The following GFAP variants were observed in gnomAD, a reference collection of about 807,000 sequenced individuals.
GFAP encodes intermediate filament protein.
A neutral mutation model predicts 49.3 loss-of-function variants in GFAP; 38 were observed. The ratio of observed to expected loss-of-function variants is 0.77; its 90% CI spans 0.60 to 1.01. The LOEUF (loss-of-function observed/expected upper bound fraction) is 1.01, where lower values mean the gene tolerates loss of function less well. Ranked by LOEUF, GFAP falls within the 50% of genes least tolerant of loss-of-function variation. The pLI, the probability that GFAP is intolerant of heterozygous loss-of-function variation, is 0.00. For missense variants in GFAP, 463 were observed against 579.1 expected (o/e 0.80, Z 2.06); for synonymous variants, 222 against 236.4 (o/e 0.94, Z 0.56).
At chr17:44,910,697 TG>T (rs1257722813) in intron 6 of GFAP, 39 bp from the exon 7 acceptor site, 3 of 1,571,504 alleles carry the variant, frequency 1.9e-6, no homozygotes, top group Non-Finnish European at 2.6e-6. Context: ...CCGGGCTGCC[TG>T]GGACACCCCT....
intron 8 of GFAP, 38 bp downstream of exon 8, chr17:44,908,026 G>A (rs2145626182): frequency 1.4e-6 from 2 of 1,412,636 alleles, no homozygotes; most frequent in African/African-American, 1.4e-5. Flanking sequence ...AATCCCTGGG[G>A]CCAGCCAGAG....
rs1555573678 is a variant in GFAP at position 44,909,624 on chromosome 17, C to CCCG, written c.1171+988_1171+990dup. 4.0e-5 allele frequency: 5 copies of CCCG among 125,832 alleles called. 1 individual carries two copies. Among genetic ancestry groups the CCCG allele is most frequent in the Non-Finnish European group, 8.1e-5 (5 of 61,800 alleles). 7.8% of individuals were successfully genotyped at this position (125,832 alleles called of 1,614,324 possible). A position where few individuals can be genotyped will look rare whatever the true frequency, so the allele number is the denominator to read the frequency against. On this transcript the variant is annotated intron_variant, in intron 7 of 8. Transcript: ENST00000588735. ...AAAAGTAATTTAGCTCCCCCCTCCC[C>CCCG]CCGCCCCGCCCGAGAGAGAAAAATA... is the stretch of plus-strand genomic sequence containing the variant.
chr17:44,904,615 A>G lies in GFAP; in HGVS notation c.*2732T>C, dbSNP rs2145620031. The G allele has an allele frequency of 6.4e-7, 1 of 1,550,562 alleles. No homozygotes were observed. Among genetic ancestry groups the G allele is most frequent in the South Asian group, 1.2e-5 (1 of 84,058 alleles). On this transcript the variant is annotated 3_prime_UTR_variant, in exon 9 of 9. Transcript: ENST00000588735. ...TGGCCATCATTAACTATGTGTCCAA[A>G]GTGGGCAGCCGGCCCTGGGTGCCCC...
At position 44,908,268 on chromosome 17, in the gene GFAP, C is replaced by G. The variant is rs367587225; in HGVS notation, c.1172-119G>C. 5.5e-6 allele frequency: 4 copies of G among 727,596 alleles called. No individual in the cohort carries two copies. The African/African-American group carries it at 7.0e-5, about 13-fold the overall frequency. The allele number at this position is 727,596 out of a possible 1,614,324, so 45.1% of individuals were successfully genotyped here. On this transcript the variant is annotated intron_variant, in intron 7 of 8. Coordinates refer to ENST00000588735, the MANE Select transcript of GFAP (RefSeq NM_002055.5). ...TCATGAGTATGAGAACCTATGCAAC[C>G]GAGCAGAGAGAGCCTAGGCTCTTCC...
rs777808092 is a variant in GFAP, at chr17:44,913,260, C to T, written c.780+9G>A. On this transcript the variant is annotated intron_variant, in intron 4 of 8. Coordinates refer to ENST00000588735, the MANE Select transcript of GFAP (RefSeq NM_002055.5). ...TGGAGGAGGCAGGCTGGCCCACAGGCAGGGCTACCTTGGAGCGGTACCACT... is the reference window on the plus strand; with the variant it reads ...TGGAGGAGGCAGGCTGGCCCACAGGTAGGGCTACCTTGGAGCGGTACCACT... 3 of 1,613,784 alleles carry T rather than the reference C, an allele frequency of 1.9e-6. No homozygotes were observed. The African/African-American group carries it at 4.0e-5, about 22-fold the overall frequency.
intron 4 of GFAP, 82 bp from the exon 5 acceptor site, chr17:44,911,879 C>T: frequency 6.8e-7 from 1 of 1,468,070 alleles, no homozygotes; most frequent in Non-Finnish European, 9.3e-7. Flanking sequence ...TGAGCAGCAC[C>T]CCAGTTAACC....
Position 44,904,307 on chromosome 17 carries a change from G to A in GFAP, c.*3040C>T, listed in dbSNP as rs1479815356. The A allele has an allele frequency of 4.5e-6, 7 of 1,547,080 alleles. No individual in the cohort carries two copies. The highest frequency in any genetic ancestry group is 1.2e-5 in the South Asian group (1 of 83,586). On this transcript the variant is annotated 3_prime_UTR_variant, in exon 9 of 9. Coordinates refer to ENST00000588735, the MANE Select transcript of GFAP (RefSeq NM_002055.5). ...GGACAAGGGCCAGGAGCCCTTTGCA[G>A]ATGAATACTATGGGCACCTCCATGT...
rs926709824 is a variant in GFAP at position 44,910,899 on chromosome 17, G to A, written c.1128-241C>T. 37 of 622,790 alleles carry A rather than the reference G, an allele frequency of 5.9e-5. 1 individual carries two copies. Among genetic ancestry groups the A allele is most frequent in the South Asian group, 5.9e-4 (30 of 50,898 alleles). The allele number at this position is 622,790 out of a possible 1,614,324, so 38.6% of individuals were successfully genotyped here. A position where few individuals can be genotyped will look rare whatever the true frequency, so the allele number is the denominator to read the frequency against. On this transcript the variant is annotated intron_variant, in intron 6 of 8. Transcript: ENST00000588735. ...TCTGAAGGAAGATGGAAAAGGGAGG[G>A]GAAAGTGGTGAAGAAAGTTCCAAGG...
rs1000196134 is a variant in GFAP at position 44,903,509 on chromosome 17, C to T, written c.*3838G>A. 18 of 1,283,252 alleles carry T rather than the reference C, an allele frequency of 1.4e-5. No homozygotes were observed. Among genetic ancestry groups the T allele is most frequent in the Non-Finnish European group, 1.8e-5 (18 of 1,018,716 alleles). The allele number at this position is 1,283,252 out of a possible 1,614,324, so 79.5% of individuals were successfully genotyped here. The stretch of plus-strand genomic sequence containing the variant: ...CTCCCTGCCCGAGCACCTCGGCCCG[C>T]CCTTCTCATTCCGGTTTCCTTTGAC... On this transcript the variant is annotated 3_prime_UTR_variant, in exon 9 of 9. Transcript: ENST00000588735.
Position 44,911,728 on chromosome 17 carries a change from C to T in GFAP, c.850G>A (p.Asp284Asn). 1 of 1,614,004 alleles carries T rather than the reference C, an allele frequency of 6.2e-7. No homozygotes were observed. Among genetic ancestry groups the T allele is most frequent in the Non-Finnish European group, 8.5e-7 (1 of 1,180,002 alleles). Residue 284 changes from aspartate (D) to asparagine (N), a missense_variant, in exon 5 of 9, where the codon GAC becomes AAC. Coordinates refer to ENST00000588735, the MANE Select transcript of GFAP (RefSeq NM_002055.5). The part of the protein sequence containing the change: ...LLRQAKHEAN[D>N]YRRQLQSLTC... The stretch of plus-strand genomic sequence containing the variant: ...AAGGACTGCAACTGGCGCCGGTAGT[C>T]GTTGGCTTCGTGCTTGGCCTGGCGG...
Position 44,915,463 on chromosome 17 carries a change from G to T in GFAP, c.24C>A (p.Ser8=). The T allele has an allele frequency of 6.3e-7, 1 of 1,596,294 alleles. No individual in the cohort carries two copies. Among genetic ancestry groups the T allele is most frequent in the Non-Finnish European group, 8.5e-7 (1 of 1,172,246 alleles). Residue 8 remains serine, a synonymous_variant, in exon 1 of 9, where the codon TCC becomes TCA. Coordinates refer to ENST00000588735, the MANE Select transcript of GFAP (RefSeq NM_002055.5). The surrounding 1 kb of genome is among the most constrained non-coding windows in gnomAD (Gnocchi z 4.1). ...AGGAGACGTAGGAGCGGCGAGCAGC[G>T]GAGGTGATGCGTCTCCTCTCCATCC... MERRRIT[S]AARRSYVSSG... is the part of the protein sequence containing the mutation.
chr17:44,907,908 A>C, intron 8 of GFAP, 156 bp downstream of exon 8: 1 of 758,966 alleles, frequency 1.3e-6, no homozygotes, highest in African/African-American at 1.7e-5. Context: ...AAACGGAATT[A>C]CATTCAGTTT....
In GFAP at chr17:44,910,468, G is replaced by A. The variant is rs1172907309; in HGVS notation, c.1171+147C>T. 5 of 1,556,854 alleles carry A rather than the reference G, an allele frequency of 3.2e-6. No individual in the cohort carries two copies. The South Asian group carries it at 5.8e-5, about 18-fold the overall frequency. Reference sequence around the variant, plus strand: ...AAGTACCCTGGTATGATAGGCTCTGGCTAGGAGCGCTGCAGTGTCACGAAG... The same window carrying A: ...AAGTACCCTGGTATGATAGGCTCTGACTAGGAGCGCTGCAGTGTCACGAAG... On this transcript the variant is annotated intron_variant, in intron 7 of 8. Transcript: ENST00000588735.
intron 5 of GFAP, 75 bp from the exon 6 acceptor site, chr17:44,911,531 C>T: frequency 6.5e-7 from 1 of 1,545,558 alleles, no homozygotes. Context: ...GCCCCCGGCC[C>T]CAGGCCCCGC....
At position 44,908,070 on chromosome 17, in the gene GFAP, A is replaced by G; in HGVS notation, c.1251T>C (p.Asp417=). Residue 417 remains aspartate, a synonymous_variant, in exon 8 of 9, where the codon GAT becomes GAC. Transcript: ENST00000588735. ...NIVVKTVEMR[D]GEVIKESKQE... ...GGCCCAAATCCCTCCTTACCTCTCC[A>G]TCCCGCATCTCCACGGTCTTCACCA... is the stretch of plus-strand genomic sequence containing the variant. The G allele has an allele frequency of 1.2e-6, 2 of 1,604,850 alleles. No individual in the cohort carries two copies. The highest frequency in any genetic ancestry group is 2.2e-5 in the East Asian group (1 of 44,700).
rs544232705 is a variant in GFAP at position 44,915,084 on chromosome 17, C to T, written c.403G>A (p.Ala135Thr). The T allele has an allele frequency of 5.6e-6, 9 of 1,613,350 alleles. No homozygotes were observed. The highest frequency in any genetic ancestry group is 4.5e-5 in the East Asian group (2 of 44,886). ...LRLDQLTANS[A>T]RLEVERDNLA... ...TTGTCCCTCTCAACCTCCAGCCGGG[C>T]GCTGTTGGCGGTGAGTTGATCGAGC... Residue 135 changes from alanine (A) to threonine (T), a missense_variant, in exon 1 of 9, where the codon GCC (alanine) becomes ACC (threonine). Physicochemically the swap from Ala to Thr is moderately conservative, Grantham distance 58. Transcript: ENST00000588735. This position sits in a 1 kb window ranked among gnomAD's most constrained non-coding sequence, Gnocchi z 4.1.
At position 44,908,558 on chromosome 17, in the gene GFAP, C is replaced by A. The variant is rs539479651; in HGVS notation, c.1172-409G>T. On this transcript the variant is annotated intron_variant, in intron 7 of 8. Coordinates refer to ENST00000588735, the MANE Select transcript of GFAP (RefSeq NM_002055.5). ...CAGCCTGGCCAACATAGTGAAACCT[C>A]TACTAAAAATACAAAAAATAGGCCA... The A allele has an allele frequency of 4.4e-3, 708 of 159,398 alleles. 7 individuals are homozygous for A. The highest frequency in any genetic ancestry group is 0.017 in the African/African-American group (693 of 41,700). 9.9% of individuals were successfully genotyped at this position (159,398 alleles called of 1,614,324 possible).
chr17:44,909,499 A>C (rs2051709108), intron 7 of GFAP: 1 of 152,362 alleles, frequency 6.6e-6, no homozygotes, highest in African/African-American at 2.4e-5. Context: ...TGCTGAATTA[A>C]GTCCTGAGAC....
rs376298377 is a variant in GFAP, at chr17:44,913,354, G to A, written c.695C>T (p.Thr232Ile). 8 of 1,614,068 alleles carry A rather than the reference G, an allele frequency of 5.0e-6. No individual in the cohort carries two copies. The Admixed American group carries it at 1.0e-4, about 20-fold the overall frequency. Residue 232 changes from threonine (T) to isoleucine (I), a missense_variant, in exon 4 of 9, where the codon ACC becomes ATC. Around this residue, in one of 3 missense-constraint regions of GFAP, gnomAD observed 362 missense variants for 445.5 expected, o/e 0.81. Transcript: ENST00000588735. Reference protein sequence around the residue: ...VELDVAKPDLTAALKEIRTQY... With the variant: ...VELDVAKPDLIAALKEIRTQY... Reference sequence around the variant, plus strand: ...CGTGCGGATCTCTTTCAGGGCTGCGGTGAGGTCTGGCTTGGCCACGTCAAG... The same window carrying A: ...CGTGCGGATCTCTTTCAGGGCTGCGATGAGGTCTGGCTTGGCCACGTCAAG...
Sources: gnomAD v4.1 joint callset for allele counts on GRCh38, gnomAD v4.1.1 for gene constraint, gnomAD v4.1.1 regional missense constraint, Gnocchi (gnomAD v3.1) non-coding constraint, MANE v1.5 for transcripts, NCBI Gene and HGNC (gene_info 2026-07-23, HGNC 2026-07-21) for gene names.